The following DOCK1 variants were observed in gnomAD, a reference collection of about 807,000 sequenced individuals.
The protein encoded by DOCK1 is dedicator of cytokinesis 1.
DOCK1 carries 138 observed loss-of-function variants against 262.7 expected under a neutral mutation model. That is an observed-to-expected ratio of 0.53 (90% CI 0.46 to 0.61). The LOEUF (loss-of-function observed/expected upper bound fraction) is 0.61. Among genes scored for constraint, DOCK1 ranks in the 20% least tolerant of loss-of-function variants. DOCK1 has a pLI of 0.00. For missense variants in DOCK1, 1,908 were observed against 2,370.7 expected, an observed-to-expected ratio of 0.80 and a Z score of 4.05; for synonymous variants, 866 against 867.4, an observed-to-expected ratio of 1.00 and a Z score of 0.03.
chr10:127,093,592 G>T (rs550499825), intron 23 of DOCK1, among the ~76,000 whole-genome samples: 1 of 151,730 alleles, frequency 6.6e-6, no homozygotes, highest in Non-Finnish European at 1.5e-5. Flanking sequence ...GAGCTCAAGC[G>T]ATCCTCCTGC....
intron 12 of DOCK1, among the ~76,000 whole-genome samples, chr10:127,016,785 C>T (rs906730889): frequency 4.7e-5 from 7 of 149,076 alleles, no homozygotes; most frequent in African/African-American, 9.9e-5. Flanking sequence ...CAGACACACG[C>T]GCACACACAC....
intron 23 of DOCK1, among the ~76,000 whole-genome samples, chr10:127,092,647 A>G (rs2047606721): frequency 6.6e-6 from 1 of 151,702 alleles, no homozygotes; most frequent in South Asian, 2.1e-4. Flanking sequence ...ACGCCTGGAT[A>G]ATTTTTTTGT....
chr10:127,361,895 T>C (rs1415289698), intron 32 of DOCK1, among the ~76,000 whole-genome samples, 169 bp from the exon 33 acceptor site: 1 of 152,222 alleles, frequency 6.6e-6, no homozygotes, highest in South Asian at 2.1e-4. Context: ...CTTATACTAA[T>C]GGCTGGGAAA....
chr10:127,041,716 A>G (rs1046184020), intron 19 of DOCK1, among the ~76,000 whole-genome samples: 44 of 152,304 alleles, frequency 2.9e-4, no homozygotes, highest in African/African-American at 9.9e-4. Flanking sequence ...GTTCTTGCCC[A>G]CTTCTTATTA....
At chr10:127,153,890 A>G (rs1003163386) in intron 27 of DOCK1, 26 of 1,613,960 alleles carry the variant, frequency 1.6e-5, no homozygotes, top group Non-Finnish European at 1.9e-5. Context: ...ATGTGTCACA[A>G]TTAGCTGTGT....
At chr10:127,328,504 T>C (rs1052773222) in intron 29 of DOCK1, among the ~76,000 whole-genome samples, 1 of 152,176 alleles carries the variant, frequency 6.6e-6, no homozygotes, top group African/African-American at 2.4e-5. Flanking sequence ...CCAGGGGCCA[T>C]TGCCTGCAGG....
intron 1 of DOCK1, among the ~76,000 whole-genome samples, chr10:126,963,623 C>T (rs1192521331): frequency 1.4e-5 from 1 of 71,690 alleles, no homozygotes; most frequent in African/African-American, 7.9e-5. Flanking sequence ...CCCTTCCCTT[C>T]CCTTCCCTTC....
At chr10:127,321,726 G>A (rs961469551) in intron 29 of DOCK1, among the ~76,000 whole-genome samples, 14 of 114,250 alleles carry the variant, frequency 1.2e-4, no homozygotes, top group East Asian at 2.7e-4. Context: ...TCCCCCCGCC[G>A]CCCCTGCTAA....
At chr10:127,257,204 A>G (rs1307766915) in intron 28 of DOCK1, 131 bp from the exon 29 acceptor site, 4 of 729,216 alleles carry the variant, frequency 5.5e-6, no homozygotes, top group Non-Finnish European at 8.8e-6. Context: ...TATGAAATAT[A>G]TCTTCATTAC....
chr10:127,182,762 AT>A (rs1333713992), intron 27 of DOCK1, among the ~76,000 whole-genome samples: 12 of 152,140 alleles, frequency 7.9e-5, no homozygotes, highest in Non-Finnish European at 1.5e-5. Context: ...AAAGGAACTA[AT>A]TTCCCTGCCT....
intron 1 of DOCK1, among the ~76,000 whole-genome samples, chr10:126,968,978 T>C (rs534622479): frequency 5.3e-4 from 81 of 152,340 alleles, no homozygotes; most frequent in African/African-American, 1.8e-3. Context: ...GCTTTTGATA[T>C]TACAGAATTT....
rs1365050458 is a variant in DOCK1, at chr10:127,042,992, A to G, written c.2101-72A>G. On this transcript the variant is annotated intron_variant, in intron 20 of 51. Transcript: ENST00000623213. ...TTCATATCCTAACACAGGGGTGCAGATGGTTCTGATGAAGATTATAAAATG... is the reference window on the plus strand; with the variant it reads ...TTCATATCCTAACACAGGGGTGCAGGTGGTTCTGATGAAGATTATAAAATG... 4 of 1,214,114 alleles carry G rather than the reference A, an allele frequency of 3.3e-6. No homozygotes were observed. The South Asian group carries it at 5.4e-5, about 17-fold the overall frequency. 75.2% of individuals were successfully genotyped at this position (1,214,114 alleles called of 1,614,324 possible).
chr10:127,302,306 G>A (rs2061708333), intron 29 of DOCK1, among the ~76,000 whole-genome samples: 2 of 152,160 alleles, frequency 1.3e-5, no homozygotes, highest in African/African-American at 4.8e-5. Context: ...GGAGAGCAGA[G>A]TCGTGTGCAG....
intron 25 of DOCK1, among the ~76,000 whole-genome samples, chr10:127,114,066 T>TA (rs2049026896): frequency 6.6e-6 from 1 of 152,204 alleles, no homozygotes; most frequent in Non-Finnish European, 1.5e-5. Flanking sequence ...AAAAGCCCCC[T>TA]ACATGCCACC....
chr10:127,364,870 C>T (rs926530202), intron 33 of DOCK1, among the ~76,000 whole-genome samples: 51 of 151,718 alleles, frequency 3.4e-4, no homozygotes, highest in African/African-American at 1.2e-3. Flanking sequence ...CGTTCTCTCT[C>T]TTTTTTTCCA....
chr10:126,975,809 G>A (rs11018318), intron 2 of DOCK1, among the ~76,000 whole-genome samples: 28,348 of 151,050 alleles, frequency 0.19, 3,294 homozygotes, highest in East Asian at 0.6. Context: ...GTAGAGACGG[G>A]GTTTTGCCAT....
At chr10:127,122,069 G>A (rs932143605) in intron 25 of DOCK1, among the ~76,000 whole-genome samples, 4 of 152,216 alleles carry the variant, frequency 2.6e-5, no homozygotes, top group African/African-American at 9.6e-5. Flanking sequence ...CGATAACGGG[G>A]CATTGGAGGC....
At chr10:127,124,177 G>A (rs2133061993) in intron 25 of DOCK1, among the ~76,000 whole-genome samples, 1 of 152,170 alleles carries the variant, frequency 6.6e-6, no homozygotes, top group South Asian at 2.1e-4. Flanking sequence ...AGTGTGCTCT[G>A]TGTACTTAGA....
At chr10:127,045,842 C>T (rs1445637749) in intron 21 of DOCK1, among the ~76,000 whole-genome samples, 2 of 152,198 alleles carry the variant, frequency 1.3e-5, no homozygotes, top group Admixed American at 6.5e-5. Context: ...AGGCTCCTCA[C>T]TGGCAACTGA....
Sources: allele counts gnomAD v4.1 joint callset (sites outside exome capture counted in the v4.1 genomes callset), GRCh38; gene constraint gnomAD v4.1.1; transcripts MANE v1.5; gene names NCBI Gene and HGNC (gene_info 2026-07-23, HGNC 2026-07-21).